The following RAD51B variants were observed in gnomAD, a reference collection of about 807,000 sequenced individuals.
The protein encoded by RAD51B is RAD51 paralog B.
In RAD51B, 38 loss-of-function variants were observed where a neutral mutation model predicts 42.2. That is an observed-to-expected ratio of 0.90 (90% confidence interval 0.70 to 1.18). The LOEUF (loss-of-function observed/expected upper bound fraction) is 1.18, where lower values mean the gene tolerates loss of function less well. RAD51B is among the 50% of genes most tolerant of loss of function. RAD51B has a pLI of 0.00. For missense variants in RAD51B, 373 were observed against 400.7 expected, an observed-to-expected ratio of 0.93 and a Z score of 0.59; for synonymous variants, 154 against 145.2, an observed-to-expected ratio of 1.06 and a Z score of -0.43.
chr14:68,463,286 C>T (rs963695458), intron 9 of RAD51B, among the ~76,000 whole-genome samples: 3 of 152,132 alleles, frequency 2.0e-5, no homozygotes, highest in South Asian at 2.1e-4. Context: ...ACATGGCAAG[C>T]ATCACTTTTT....
At chr14:68,588,976 G>A (rs1000773860) in intron 10 of RAD51B, among the ~76,000 whole-genome samples, 2 of 152,164 alleles carry the variant, frequency 1.3e-5, no homozygotes, top group Non-Finnish European at 2.9e-5. Flanking sequence ...TAGTTTTGTA[G>A]AGGAAAGGAG....
intron 9 of RAD51B, among the ~76,000 whole-genome samples, chr14:68,441,790 T>G (rs900901252): frequency 1.3e-5 from 2 of 152,184 alleles, no homozygotes; most frequent in Non-Finnish European, 2.9e-5. Context: ...ACTTTCTGGT[T>G]CTATGAAGAA....
At chr14:68,262,415 G>A (rs1259169842) in intron 7 of RAD51B, among the ~76,000 whole-genome samples, 1 of 152,130 alleles carries the variant, frequency 6.6e-6, no homozygotes, top group African/African-American at 2.4e-5. Flanking sequence ...CCACTCCAAG[G>A]CAGAGTTTGT....
intron 7 of RAD51B, among the ~76,000 whole-genome samples, chr14:68,014,940 G>C (rs530943306): frequency 1.3e-5 from 2 of 152,056 alleles, no homozygotes; most frequent in East Asian, 3.9e-4. Context: ...TACCCACTAG[G>C]GCCACCCGGG....
chr14:68,252,204 G>A (rs2080648510), intron 7 of RAD51B, among the ~76,000 whole-genome samples: 1 of 152,176 alleles, frequency 6.6e-6, no homozygotes, highest in African/African-American at 2.4e-5. Flanking sequence ...CATTTTAGCT[G>A]TGGAAATTTG....
At chr14:67,969,217 A>G (rs2074847654) in intron 7 of RAD51B, among the ~76,000 whole-genome samples, 1 of 152,196 alleles carries the variant, frequency 6.6e-6, no homozygotes, top group African/African-American at 2.4e-5. Flanking sequence ...ACAGAACCAA[A>G]CCATATCAGT....
chr14:68,459,713 A>G (rs985795072), intron 9 of RAD51B, among the ~76,000 whole-genome samples: 1 of 152,228 alleles, frequency 6.6e-6, no homozygotes, highest in Non-Finnish European at 1.5e-5. Flanking sequence ...GGAGCTATCT[A>G]CTTCAATTGC....
At chr14:68,100,149 G>T (rs1420371360) in intron 7 of RAD51B, among the ~76,000 whole-genome samples, 2 of 152,030 alleles carry the variant, frequency 1.3e-5, no homozygotes, top group Admixed American at 1.3e-4. Context: ...TGATGGGAAA[G>T]GAAGAAGATA....
Position 68,220,850 on chromosome 14 carries a change from C to T in RAD51B, c.757-71034C>T, listed in dbSNP as rs559556608. ...GAGAATCAAATCAAGAACTCAACCC[C>T]GGCCAGGCATGGTGGCTCACACCTG... On this transcript the variant is annotated intron_variant, in intron 7 of 10. Coordinates refer to ENST00000471583, the MANE Select transcript of RAD51B (RefSeq NM_133510.4). 1.2e-4 allele frequency among the ~76,000 whole-genome samples: 19 copies of T among 152,258 alleles called. No individual in the cohort carries two copies. In the South Asian group the frequency reaches 2.1e-3, roughly 17 times the overall value.
At chr14:68,455,086 G>A (rs2085651783) in intron 9 of RAD51B, among the ~76,000 whole-genome samples, 1 of 152,176 alleles carries the variant, frequency 6.6e-6, no homozygotes, top group Admixed American at 6.5e-5. Flanking sequence ...AAGATTTACT[G>A]ATTCACAGCA....
intron 7 of RAD51B, among the ~76,000 whole-genome samples, chr14:68,216,505 A>G (rs1354368441): frequency 1.3e-5 from 2 of 152,190 alleles, no homozygotes; most frequent in Admixed American, 1.3e-4. Context: ...GTGTTGGAAA[A>G]GAGTGTAGCA....
chr14:67,988,214 A>G (rs754366559), intron 7 of RAD51B, among the ~76,000 whole-genome samples: 11 of 152,156 alleles, frequency 7.2e-5, no homozygotes, highest in Non-Finnish European at 1.5e-4. Context: ...TAATCCCAGC[A>G]CTTTCGGAGG....
intron 10 of RAD51B, among the ~76,000 whole-genome samples, chr14:68,635,183 C>T (rs749730937): frequency 1.3e-5 from 2 of 152,118 alleles, no homozygotes; most frequent in African/African-American, 4.8e-5. Flanking sequence ...ATGGGTGATC[C>T]GATCCAATAA....
intron 7 of RAD51B, among the ~76,000 whole-genome samples, chr14:68,152,702 G>A (rs2078414858): frequency 6.7e-6 from 1 of 148,456 alleles, no homozygotes; most frequent in Non-Finnish European, 1.5e-5. Flanking sequence ...CATTACCTAG[G>A]TACTAAGCTT....
chr14:68,009,330 A>G (rs2075645775), intron 7 of RAD51B, among the ~76,000 whole-genome samples: 1 of 151,884 alleles, frequency 6.6e-6, no homozygotes, highest in South Asian at 2.1e-4. Flanking sequence ...GGGTTTAAAT[A>G]CCTGCTCTCT....
rs1348438500 is a variant in RAD51B at position 68,046,650 on chromosome 14, C to T, written c.756+159446C>T. Among the ~76,000 whole-genome samples the T allele has an allele frequency of 7.9e-5, 12 of 152,258 alleles. No homozygotes were observed. In the East Asian group the frequency reaches 1.9e-3, roughly 25 times the overall value. ...ACTCTGGAGGCTGAGATGGGAGGATCGCTCGAGCCCAGCAGGCTGAGGCTG... is the reference window on the plus strand; with the variant it reads ...ACTCTGGAGGCTGAGATGGGAGGATTGCTCGAGCCCAGCAGGCTGAGGCTG... On this transcript the variant is annotated intron_variant, in intron 7 of 10. Transcript: ENST00000471583.
intron 7 of RAD51B, among the ~76,000 whole-genome samples, chr14:67,894,034 G>A (rs2043323203): frequency 1.3e-5 from 2 of 152,210 alleles, no homozygotes; most frequent in South Asian, 4.1e-4. Flanking sequence ...TCCACTATTT[G>A]CTAATTTTAT....
At chr14:67,893,775 C>T (rs1258086610) in intron 7 of RAD51B, among the ~76,000 whole-genome samples, 1 of 152,108 alleles carries the variant, frequency 6.6e-6, no homozygotes, top group Non-Finnish European at 1.5e-5. Flanking sequence ...ATGGCACTGG[C>T]TGTATTTGGA....
chr14:68,540,325 A>C (rs1455865417), intron 10 of RAD51B: 1 of 1,049,568 alleles, frequency 9.5e-7, no homozygotes, highest in Non-Finnish European at 1.2e-6. Context: ...TTGGATCATC[A>C]GACCTCTTCT....
Sources: gnomAD v4.1 joint callset for allele counts (sites outside exome capture counted in the v4.1 genomes callset) on GRCh38, gnomAD v4.1.1 for gene constraint, MANE v1.5 for transcripts, NCBI Gene and HGNC (gene_info 2026-07-23, HGNC 2026-07-21) for gene names.